Variants in RALYL observed in about 807,000 individuals in gnomAD.
The protein encoded by RALYL is RALY RNA binding protein like.
RALYL carries 29 observed loss-of-function variants against 35.1 expected under a neutral mutation model. The ratio of observed to expected loss-of-function variants is 0.83; its 90% CI spans 0.61 to 1.13. The LOEUF (loss-of-function observed/expected upper bound fraction) is 1.13, where lower values mean the gene tolerates loss of function less well. Ranked by LOEUF, RALYL falls within the 50% of genes most tolerant of loss-of-function variation. The pLI, the probability that RALYL is intolerant of heterozygous loss-of-function variation, is 0.00. For missense variants in RALYL, 359 were observed against 360.4 expected (o/e 1.00, Z 0.03); for synonymous variants, 120 against 127.6 (o/e 0.94, Z 0.40).
intron 8 of RALYL, among the ~76,000 whole-genome samples, chr8:84,896,182 G>A (rs1010535142): frequency 6.6e-5 from 10 of 152,130 alleles, no homozygotes; most frequent in African/African-American, 1.2e-4. Context: ...CCCACAAGGT[G>A]CACTTGGTGT....
chr8:84,192,406 A>ATTTCACTT (rs1814116540), intron 1 of RALYL, among the ~76,000 whole-genome samples: 1 of 152,188 alleles, frequency 6.6e-6, no homozygotes, highest in African/African-American at 2.4e-5. Flanking sequence ...GATTTATTTT[A>ATTTCACTT]TTTCACTTTT....
intron 2 of RALYL, chr8:84,705,907 A>G (rs2132391887): frequency 1.3e-6 from 2 of 1,484,246 alleles, no homozygotes; most frequent in African/African-American, 1.4e-5. Context: ...TCACTGTGTG[A>G]TTGCTGGTTA....
chr8:84,463,641 T>G (rs1046530508), intron 1 of RALYL, among the ~76,000 whole-genome samples: 6 of 152,106 alleles, frequency 3.9e-5, no homozygotes, highest in Admixed American at 1.3e-4. Context: ...TTCTTTAAGC[T>G]TATGTTTATT....
chr8:84,404,964 AT>A (rs1196870714), intron 1 of RALYL, among the ~76,000 whole-genome samples: 1 of 152,200 alleles, frequency 6.6e-6, no homozygotes, highest in Non-Finnish European at 1.5e-5. Context: ...ATAATTGGAA[AT>A]AAAACATTCT....
At chr8:84,744,504 C>T (rs1271395753) in intron 2 of RALYL, among the ~76,000 whole-genome samples, 1 of 152,030 alleles carries the variant, frequency 6.6e-6, no homozygotes, top group Non-Finnish European at 1.5e-5. Flanking sequence ...GCCCAGTACA[C>T]TCAGAGTCTA....
chr8:84,292,784 C>T (rs1232172952), intron 1 of RALYL, among the ~76,000 whole-genome samples: 1 of 152,130 alleles, frequency 6.6e-6, no homozygotes, highest in Non-Finnish European at 1.5e-5. Flanking sequence ...AGCATATCAT[C>T]AATAAATAAC....
intron 2 of RALYL, among the ~76,000 whole-genome samples, chr8:84,533,082 T>TA (rs1347981178): frequency 6.6e-6 from 1 of 152,154 alleles, no homozygotes; most frequent in African/African-American, 2.4e-5. Context: ...AGAATTTTTT[T>TA]AAATCACAAT....
intron 1 of RALYL, among the ~76,000 whole-genome samples, chr8:84,384,828 G>A (rs1858829976): frequency 6.6e-6 from 1 of 151,782 alleles, no homozygotes; most frequent in African/African-American, 2.4e-5. Flanking sequence ...ATGTAGTGGA[G>A]CTTAAAATTA....
At chr8:84,645,311 AT>A (rs1327794980) in intron 2 of RALYL, among the ~76,000 whole-genome samples, 2 of 151,664 alleles carry the variant, frequency 1.3e-5, no homozygotes, top group Non-Finnish European at 2.9e-5. Context: ...TATACTATAT[AT>A]TTATACTATA....
chr8:84,424,005 G>A (rs1001119134), intron 1 of RALYL, among the ~76,000 whole-genome samples: 3 of 151,750 alleles, frequency 2.0e-5, no homozygotes, highest in Non-Finnish European at 4.4e-5. Context: ...TTTCAACTTT[G>A]GTGAATCTGA....
chr8:84,728,063 G>T (rs375412824), intron 2 of RALYL, among the ~76,000 whole-genome samples: 39 of 151,446 alleles, frequency 2.6e-4, no homozygotes, highest in Admixed American at 1.2e-3. Flanking sequence ...ACTTCCACAA[G>T]GGTTGAACTA....
intron 4 of RALYL, among the ~76,000 whole-genome samples, chr8:84,831,060 G>A (rs1830821608): frequency 6.6e-6 from 1 of 151,914 alleles, no homozygotes; most frequent in Non-Finnish European, 1.5e-5. Flanking sequence ...TGGCAAAAAT[G>A]AGAACAAAAG....
At chr8:84,433,111 AC>A (rs2132726817) in intron 1 of RALYL, among the ~76,000 whole-genome samples, 1 of 152,248 alleles carries the variant, frequency 6.6e-6, no homozygotes, top group Non-Finnish European at 1.5e-5. Flanking sequence ...CTTATGGGAA[AC>A]TTTTAAAAAC....
chr8:84,914,940 C>T (rs111936434), intron 8 of RALYL, among the ~76,000 whole-genome samples: 96 of 152,106 alleles, frequency 6.3e-4, no homozygotes, highest in African/African-American at 1.8e-3. Flanking sequence ...CTCACTACAA[C>T]GCTTCTTCCC....
chr8:84,870,681 G>C (rs1490621846), intron 6 of RALYL, among the ~76,000 whole-genome samples: 1 of 151,674 alleles, frequency 6.6e-6, no homozygotes, highest in Non-Finnish European at 1.5e-5. Flanking sequence ...TAACAGGAGG[G>C]GAAAAAGTAG....
intron 2 of RALYL, among the ~76,000 whole-genome samples, chr8:84,536,508 G>A (rs2059616315): frequency 6.6e-6 from 1 of 152,150 alleles, no homozygotes; most frequent in African/African-American, 2.4e-5. Context: ...CATCTAGCAA[G>A]GACAGATTGA....
At chr8:84,310,360 A>G (rs989916631) in intron 1 of RALYL, among the ~76,000 whole-genome samples, 37 of 152,202 alleles carry the variant, frequency 2.4e-4, no homozygotes, top group African/African-American at 7.5e-4. Context: ...TTAAAGAAAA[A>G]AAAAATTGGC....
At chr8:84,530,774 T>C (rs1214576570) in intron 2 of RALYL, among the ~76,000 whole-genome samples, 1 of 152,156 alleles carries the variant, frequency 6.6e-6, no homozygotes, top group Non-Finnish European at 1.5e-5. Context: ...TTCTATACCA[T>C]ACCTACAATG....
chr8:84,242,656 C>G (rs961242413), intron 1 of RALYL, among the ~76,000 whole-genome samples: 32 of 151,932 alleles, frequency 2.1e-4, no homozygotes, highest in Admixed American at 1.4e-3. Flanking sequence ...TCTGTTCATG[C>G]GCTTTGCCCA....
Sources: allele counts gnomAD v4.1 joint callset (sites outside exome capture counted in the v4.1 genomes callset), GRCh38; gene constraint gnomAD v4.1.1; transcripts MANE v1.5; gene names NCBI Gene and HGNC (gene_info 2026-07-23, HGNC 2026-07-21).